ENTREP2: variants seen among roughly 807,000 people sequenced by gnomAD.
ENTREP2 encodes the protein protein ENTREP2.
the ENTREP2 span, among the ~76,000 whole-genome samples, chr15:29,656,517 G>T: frequency 6.6e-6 from 1 of 152,204 alleles, no homozygotes; most frequent in Non-Finnish European, 1.5e-5. Flanking sequence ...GTGGGCCACT[G>T]TGCCTGGCCA....
the ENTREP2 span, among the ~76,000 whole-genome samples, chr15:29,366,055 A>C: frequency 2.0e-5 from 3 of 152,282 alleles, no homozygotes; most frequent in South Asian, 6.2e-4. Flanking sequence ...TTGGCTAATA[A>C]ATACTGTTCT....
the ENTREP2 span, among the ~76,000 whole-genome samples, chr15:29,418,327 C>T: frequency 6.6e-6 from 1 of 152,140 alleles, no homozygotes; most frequent in Non-Finnish European, 1.5e-5. Context: ...ATTTAACTAA[C>T]ACAGGAGTGG....
chr15:29,541,685 T>C, the ENTREP2 span, among the ~76,000 whole-genome samples: 1 of 152,142 alleles, frequency 6.6e-6, no homozygotes, highest in Non-Finnish European at 1.5e-5. Context: ...AAGGCACCCA[T>C]GCTTAAAATG....
the ENTREP2 span, among the ~76,000 whole-genome samples, chr15:29,355,298 TG>T: frequency 6.6e-6 from 1 of 152,150 alleles, no homozygotes; most frequent in Non-Finnish European, 1.5e-5. Flanking sequence ...TGCTTCCTGC[TG>T]GGATACTGAG....
chr15:29,271,477 G>GC, the ENTREP2 span, among the ~76,000 whole-genome samples: 13 of 152,220 alleles, frequency 8.5e-5, no homozygotes, highest in African/African-American at 3.1e-4. Flanking sequence ...AATACAGGCA[G>GC]CCCAGCGCCA....
the ENTREP2 span, among the ~76,000 whole-genome samples, chr15:29,568,191 C>T: frequency 1.3e-5 from 2 of 152,220 alleles, no homozygotes; most frequent in African/African-American, 4.8e-5. Context: ...AAGGTGCTTG[C>T]AGCAAAGTAA....
At chr15:29,617,409 G>C in the ENTREP2 span, among the ~76,000 whole-genome samples, 1 of 152,176 alleles carries the variant, frequency 6.6e-6, no homozygotes, top group African/African-American at 2.4e-5. Context: ...TGGTGAGGGT[G>C]ATCTTTACTT....
chr15:29,276,500 G>A, the ENTREP2 span, among the ~76,000 whole-genome samples: 1 of 152,150 alleles, frequency 6.6e-6, no homozygotes, highest in Non-Finnish European at 1.5e-5. Flanking sequence ...CACAGTGACT[G>A]GTTCAGAAGT....
the ENTREP2 span, among the ~76,000 whole-genome samples, chr15:29,270,068 T>C: frequency 6.6e-6 from 1 of 152,078 alleles, no homozygotes; most frequent in African/African-American, 2.4e-5. Context: ...GACAGTATTA[T>C]GAGTTTCTAA....
chr15:29,377,077 C>A, the ENTREP2 span: 1 of 151,992 alleles, frequency 6.6e-6, no homozygotes, highest in Admixed American at 6.6e-5. Context: ...TGGGAATGAA[C>A]TAGAAAACTC....
the ENTREP2 span, among the ~76,000 whole-genome samples, chr15:29,414,556 T>C: frequency 6.6e-6 from 1 of 151,966 alleles, no homozygotes; most frequent in Non-Finnish European, 1.5e-5. Flanking sequence ...AGGAAAGACC[T>C]AAAATTGACA....
chr15:29,214,624 A>C, the ENTREP2 span, among the ~76,000 whole-genome samples: 7 of 152,032 alleles, frequency 4.6e-5, no homozygotes, highest in Non-Finnish European at 1.0e-4. Flanking sequence ...CCAACATGGC[A>C]CATGTATACA....
chr15:29,280,060 G>A, the ENTREP2 span, among the ~76,000 whole-genome samples: 21 of 152,182 alleles, frequency 1.4e-4, no homozygotes, highest in African/African-American at 3.4e-4. Flanking sequence ...TGATGTATCC[G>A]CATTTCACAG....
chr15:29,562,813 T>C, the ENTREP2 span, among the ~76,000 whole-genome samples: 1 of 152,042 alleles, frequency 6.6e-6, no homozygotes, highest in African/African-American at 2.4e-5. Context: ...GTTTTTGAGA[T>C]AGGATTTCTC....
the ENTREP2 span, among the ~76,000 whole-genome samples, chr15:29,539,712 C>T: frequency 6.6e-6 from 1 of 152,130 alleles, no homozygotes; most frequent in African/African-American, 2.4e-5. Context: ...TGGAAAATGG[C>T]ATTTACCTAA....
chr15:29,666,658 C>T, the ENTREP2 span, among the ~76,000 whole-genome samples: 1 of 152,176 alleles, frequency 6.6e-6, no homozygotes, highest in Non-Finnish European at 1.5e-5. Context: ...TTGGGCCTGC[C>T]AGGCCAGTCC....
the ENTREP2 span, among the ~76,000 whole-genome samples, chr15:29,158,405 C>CTTTTTTTTT: frequency 7.5e-6 from 1 of 133,174 alleles, no homozygotes; most frequent in African/African-American, 2.8e-5. Context: ...TTATCTCTGC[C>CTTTTTTTTT]TTTTTTTTTT....
chr15:29,308,129 G>T, the ENTREP2 span, among the ~76,000 whole-genome samples: 1 of 152,032 alleles, frequency 6.6e-6, no homozygotes, highest in Non-Finnish European at 1.5e-5. Flanking sequence ...CATAAACTCT[G>T]ACCTCAACAA....
At chr15:29,564,568 C>G in the ENTREP2 span, among the ~76,000 whole-genome samples, 3 of 152,228 alleles carry the variant, frequency 2.0e-5, no homozygotes, top group Non-Finnish European at 2.9e-5. Context: ...GGTCCACACA[C>G]AGTTAGTTGC....
Sources: allele counts gnomAD v4.1 joint callset (sites outside exome capture counted in the v4.1 genomes callset), GRCh38; gene constraint gnomAD v4.1.1; transcripts MANE v1.5; gene names NCBI Gene and HGNC (gene_info 2026-07-23, HGNC 2026-07-21).